The following ERC2 variants were observed in gnomAD, a reference collection of about 807,000 sequenced individuals.
The protein encoded by ERC2 is ERC protein 2.
Under a neutral mutation model 114.8 loss-of-function variants are expected in ERC2, and 42 were observed. The observed-to-expected ratio is 0.37, with a 90% CI of 0.29 to 0.47. The LOEUF is 0.47. Ranked by LOEUF, ERC2 falls within the 20% of genes least tolerant of loss-of-function variation. The pLI, the probability that ERC2 is intolerant of heterozygous loss-of-function variation, is 0.99. For missense variants in ERC2, 939 were observed against 1,150.7 expected, an observed-to-expected ratio of 0.82 and a Z score of 2.66; for synonymous variants, 454 against 425.5, an observed-to-expected ratio of 1.07 and a Z score of -0.82.
chr3:56,011,878 C>G (rs2072969188), intron 8 of ERC2, among the ~76,000 whole-genome samples: 1 of 152,110 alleles, frequency 6.6e-6, no homozygotes, highest in African/African-American at 2.4e-5. Context: ...TTAGTTTGAA[C>G]AGTTAGCCTG....
intron 14 of ERC2, among the ~76,000 whole-genome samples, chr3:55,767,214 A>G (rs2067860140): frequency 1.3e-5 from 2 of 152,348 alleles, no homozygotes; most frequent in African/African-American, 2.4e-5. Context: ...TTCCAGTGGC[A>G]TAATTAGTTA....
Position 56,292,406 on chromosome 3 carries a change from C to T in ERC2, c.1074+3613G>A, listed in dbSNP as rs554925158. The stretch of plus-strand genomic sequence containing the variant: ...TAGCCTGGGCAACATGGTGAAACCC[C>T]GTCTGTACCAAAAATACAAAAAAAA... On this transcript the variant is annotated intron_variant, in intron 3 of 17. Transcript: ENST00000288221. Among the ~76,000 whole-genome samples the T allele has an allele frequency of 4.8e-4, 70 of 147,212 alleles. 2 individuals carry two copies. In the South Asian group the frequency reaches 0.013, roughly 27 times the overall value.
At chr3:56,165,380 T>C (rs1046796455) in intron 4 of ERC2, among the ~76,000 whole-genome samples, 1 of 151,952 alleles carries the variant, frequency 6.6e-6, no homozygotes, top group African/African-American at 2.4e-5. Flanking sequence ...ACACGTTAGT[T>C]ACATATGTAT....
intron 14 of ERC2, chr3:55,766,909 T>G (rs1440908821): frequency 6.6e-6 from 1 of 152,274 alleles, no homozygotes; most frequent in Non-Finnish European, 1.5e-5. Flanking sequence ...ACTTGCCTGA[T>G]TTCCCATGCT....
intron 7 of ERC2, among the ~76,000 whole-genome samples, chr3:56,029,896 G>A (rs912441667): frequency 2.6e-5 from 4 of 151,984 alleles, no homozygotes; most frequent in Non-Finnish European, 5.9e-5. Context: ...GGTTATTGAG[G>A]TAGGAACTTG....
intron 14 of ERC2, among the ~76,000 whole-genome samples, chr3:55,789,692 T>C (rs777039032): frequency 6.6e-6 from 1 of 152,228 alleles, no homozygotes; most frequent in African/African-American, 2.4e-5. Context: ...AGAAGTCACA[T>C]GGTATGCTGG....
At chr3:55,796,871 C>T (rs532035654) in intron 14 of ERC2, among the ~76,000 whole-genome samples, 3 of 152,258 alleles carry the variant, frequency 2.0e-5, no homozygotes, top group African/African-American at 7.2e-5. Context: ...AACTCCGAAA[C>T]AGTAAACTTC....
intron 17 of ERC2, among the ~76,000 whole-genome samples, chr3:55,582,474 A>C (rs1235086906): frequency 6.6e-6 from 1 of 152,204 alleles, no homozygotes; most frequent in Non-Finnish European, 1.5e-5. Context: ...TGTTCTCATG[A>C]GCAGTTATAT....
At chr3:55,533,628 G>GT (rs1356524080) in intron 17 of ERC2, among the ~76,000 whole-genome samples, 4 of 152,200 alleles carry the variant, frequency 2.6e-5, no homozygotes, top group African/African-American at 9.7e-5. Context: ...AGGGCAGTGG[G>GT]TAGGAGACCC....
chr3:55,878,196 A>C (rs955460258), intron 14 of ERC2, among the ~76,000 whole-genome samples: 8 of 152,198 alleles, frequency 5.3e-5, no homozygotes, highest in Non-Finnish European at 8.8e-5. Flanking sequence ...AGGCTGAAAG[A>C]CTATACTTCT....
chr3:55,909,399 G>C (rs1425909159), intron 13 of ERC2, among the ~76,000 whole-genome samples: 2 of 152,200 alleles, frequency 1.3e-5, no homozygotes, highest in African/African-American at 4.8e-5. Context: ...AAAGGTCTTT[G>C]TTCCCAAGAA....
intron 17 of ERC2, among the ~76,000 whole-genome samples, chr3:55,515,692 TG>T (rs1419616757): frequency 7.1e-6 from 1 of 141,398 alleles, no homozygotes; most frequent in Admixed American, 7.4e-5. Flanking sequence ...TGGTTCTAGG[TG>T]GGGGTGTGTG....
At chr3:55,853,567 A>G (rs2061664739) in intron 14 of ERC2, among the ~76,000 whole-genome samples, 1 of 152,168 alleles carries the variant, frequency 6.6e-6, no homozygotes, top group African/African-American at 2.4e-5. Context: ...AGCACTCAGG[A>G]AATATAAGTA....
chr3:55,916,592 T>C (rs754278582), intron 13 of ERC2, among the ~76,000 whole-genome samples: 2 of 152,188 alleles, frequency 1.3e-5, no homozygotes, highest in African/African-American at 2.4e-5. Context: ...GTTCAGCAAA[T>C]GCACTGAGCG....
chr3:56,109,173 C>A (rs2078828096), intron 6 of ERC2, among the ~76,000 whole-genome samples: 1 of 151,998 alleles, frequency 6.6e-6, no homozygotes, highest in African/African-American at 2.4e-5. Context: ...CCCTCCTTCC[C>A]CCTCCCACCT....
At chr3:55,699,316 T>C in intron 16 of ERC2, 62 bp downstream of exon 16, 2 of 1,596,174 alleles carry the variant, frequency 1.3e-6, no homozygotes, top group Non-Finnish European at 1.7e-6. Context: ...GGATTATTTA[T>C]TTTATCTTAA....
At chr3:55,831,206 G>C (rs2060556477) in intron 14 of ERC2, among the ~76,000 whole-genome samples, 1 of 150,308 alleles carries the variant, frequency 6.7e-6, no homozygotes, top group Non-Finnish European at 1.5e-5. Context: ...TAGCTACTTA[G>C]GAGGCTAAGG....
At chr3:55,637,847 G>A (rs1241709842) in intron 17 of ERC2, among the ~76,000 whole-genome samples, 1 of 151,578 alleles carries the variant, frequency 6.6e-6, no homozygotes, top group African/African-American at 2.4e-5. Flanking sequence ...TATCTACATG[G>A]GCTAAGAATT....
rs114138926 is a variant in ERC2, at chr3:56,360,632, C to T, written c.658-64197G>A. Among the ~76,000 whole-genome samples the T allele has an allele frequency of 9.5e-3, 1,445 of 152,210 alleles. 18 individuals carry two copies. The highest frequency in any genetic ancestry group is 0.031 in the African/African-American group (1,293 of 41,558). ...GTAAGTTTACCAACCAGAAGGCCAG[C>T]CACAGTGGCTCACGCCTGTAATCCC... On this transcript the variant is annotated intron_variant, in intron 2 of 17. Coordinates refer to ENST00000288221, the MANE Select transcript of ERC2 (RefSeq NM_015576.3).
Sources: allele counts gnomAD v4.1 joint callset (sites outside exome capture counted in the v4.1 genomes callset), GRCh38; gene constraint gnomAD v4.1.1; transcripts MANE v1.5; gene names NCBI Gene and HGNC (gene_info 2026-07-23, HGNC 2026-07-21).